The following CALD1 variants were observed in gnomAD, a reference collection of about 807,000 sequenced individuals.
CALD1 encodes the protein caldesmon.
A neutral mutation model predicts 99.9 loss-of-function variants in CALD1; 33 were observed. The ratio of observed to expected loss-of-function variants is 0.33; its 90% CI spans 0.25 to 0.44. The LOEUF is 0.44. CALD1 is among the 20% of genes least tolerant of loss of function. The pLI, the probability that CALD1 is intolerant of heterozygous loss-of-function variation, is 1.00. For synonymous variants in CALD1, 310 were observed against 325.0 expected (o/e 0.95, Z 0.50); for missense variants, 861 against 962.1 (o/e 0.89, Z 1.39).
In CALD1 at chr7:134,858,935, C is replaced by T. The variant is rs552138157; in HGVS notation, c.-41-8758C>T. Among the ~76,000 whole-genome samples, 3 of 152,312 alleles carry T rather than the reference C, an allele frequency of 2.0e-5. No homozygotes were observed. In the East Asian group the frequency reaches 5.8e-4, roughly 29 times the overall value. ...TCTGCAGTGATGAAAACATTCTCTGCACCGTCTTATATGGGGGCCACTAAA... is the reference window on the plus strand; with the variant it reads ...TCTGCAGTGATGAAAACATTCTCTGTACCGTCTTATATGGGGGCCACTAAA... On this transcript the variant is annotated intron_variant, in intron 2 of 14. Coordinates refer to ENST00000361675, the MANE Select transcript of CALD1 (RefSeq NM_033138.4).
chr7:134,937,497 A>T (rs1806074851), intron 6 of CALD1, among the ~76,000 whole-genome samples: 1 of 152,198 alleles, frequency 6.6e-6, no homozygotes, highest in Admixed American at 6.5e-5. Context: ...AATACTGTGT[A>T]CATAACCTGC....
At chr7:134,784,777 G>A (rs1312460427) in intron 1 of CALD1, among the ~76,000 whole-genome samples, 1 of 152,150 alleles carries the variant, frequency 6.6e-6, no homozygotes, top group Non-Finnish European at 1.5e-5. Flanking sequence ...TAGAGTCAAG[G>A]TGGGTGAGAG....
Position 134,947,496 on chromosome 7 carries a change from C to A in CALD1, c.1533-12C>A. ...AGCATGTAAACCCCTTTCCATTGCC[C>A]CCCAACCACAGCCGCCCTGGAGGGA... On this transcript the variant is annotated splice_polypyrimidine_tract_variant and intron_variant, in intron 7 of 14. Transcript: ENST00000361675. 2 of 1,565,470 alleles carry A rather than the reference C, an allele frequency of 1.3e-6. No homozygotes were observed. The highest frequency in any genetic ancestry group is 1.7e-6 in the Non-Finnish European group (2 of 1,154,794).
chr7:134,915,737 AT>A (rs1804157333), intron 3 of CALD1, among the ~76,000 whole-genome samples: 2 of 152,220 alleles, frequency 1.3e-5, no homozygotes, highest in African/African-American at 4.8e-5. Flanking sequence ...CTGTTAAAAC[AT>A]TCACATTTTT....
intron 1 of CALD1, among the ~76,000 whole-genome samples, chr7:134,755,266 G>T (rs2131576909): frequency 6.6e-6 from 1 of 152,272 alleles, no homozygotes; most frequent in Non-Finnish European, 1.5e-5. Flanking sequence ...CTCCCAAAGT[G>T]CTGGGATTAC....
At chr7:134,902,720 G>A (rs1348807761) in intron 3 of CALD1, among the ~76,000 whole-genome samples, 16 of 152,168 alleles carry the variant, frequency 1.1e-4, no homozygotes. Context: ...GTGGACTGCC[G>A]CTTCAGTGTA....
chr7:134,755,908 A>G (rs1422741804), intron 1 of CALD1, among the ~76,000 whole-genome samples: 1 of 152,304 alleles, frequency 6.6e-6, no homozygotes, highest in East Asian at 1.9e-4. Flanking sequence ...TATTTAATCT[A>G]TCTGGAAATG....
chr7:134,766,854 G>A (rs565091723), intron 1 of CALD1, among the ~76,000 whole-genome samples: 1 of 152,254 alleles, frequency 6.6e-6, no homozygotes, highest in South Asian at 2.1e-4. Context: ...GAGGAAGGGA[G>A]GCTGAAGACA....
intron 6 of CALD1, among the ~76,000 whole-genome samples, chr7:134,939,467 A>C (rs1806253923): frequency 6.6e-6 from 1 of 152,218 alleles, no homozygotes; most frequent in South Asian, 2.1e-4. Flanking sequence ...TCTTGCAGAG[A>C]ATGGCAAAGT....
intron 3 of CALD1, among the ~76,000 whole-genome samples, chr7:134,920,253 T>C (rs149700866): frequency 7.9e-4 from 116 of 146,130 alleles, no homozygotes; most frequent in African/African-American, 2.7e-3. Flanking sequence ...TGCTTGTATT[T>C]CATGCTATGA....
intron 13 of CALD1, chr7:134,960,996 G>C (rs145026165): frequency 6.2e-6 from 1 of 161,284 alleles, no homozygotes; most frequent in African/African-American, 2.4e-5. Flanking sequence ...TCTTTGTCAA[G>C]AGCACCCCTA....
intron 1 of CALD1, among the ~76,000 whole-genome samples, chr7:134,832,987 A>G (rs1358125338): frequency 2.0e-5 from 3 of 152,218 alleles, no homozygotes; most frequent in African/African-American, 4.8e-5. Context: ...TCTGGACAGT[A>G]TGTTTTAGAA....
At chr7:134,781,674 A>G (rs914532520) in intron 1 of CALD1, among the ~76,000 whole-genome samples, 3 of 152,240 alleles carry the variant, frequency 2.0e-5, no homozygotes, top group Non-Finnish European at 2.9e-5. Flanking sequence ...CTAAGAGTTG[A>G]TCCTAGGACA....
At chr7:134,906,526 T>C (rs889153927) in intron 3 of CALD1, among the ~76,000 whole-genome samples, 8 of 152,264 alleles carry the variant, frequency 5.3e-5, no homozygotes, top group African/African-American at 1.2e-4. Context: ...AAATTATCAC[T>C]GTTAAGTAAG....
chr7:134,957,959 A>G (rs753261363), intron 9 of CALD1, 110 bp from the exon 10 acceptor site: 1 of 780,468 alleles, frequency 1.3e-6, no homozygotes, highest in Non-Finnish European at 2.2e-6. Context: ...ATACCCTTAT[A>G]TGCTCTTCGG....
intron 1 of CALD1, among the ~76,000 whole-genome samples, chr7:134,806,309 C>A (rs1366397515): frequency 6.6e-6 from 1 of 152,172 alleles, no homozygotes; most frequent in Admixed American, 6.5e-5. Context: ...TTTTCTCCCC[C>A]CAGCCCACGG....
At chr7:134,731,269 A>G in the CALD1 span, among the ~76,000 whole-genome samples, 1 of 152,170 alleles carries the variant, frequency 6.6e-6, no homozygotes, top group Non-Finnish European at 1.5e-5. Flanking sequence ...ACCAATGAAA[A>G]CAAACAAACA....
upstream of CALD1, among the ~76,000 whole-genome samples, chr7:134,742,265 A>C (rs541098135): frequency 6.6e-6 from 1 of 152,052 alleles, no homozygotes; most frequent in South Asian, 2.1e-4. Context: ...ATGTGAAAAA[A>C]CTCAAAGTGA....
intron 3 of CALD1, among the ~76,000 whole-genome samples, chr7:134,904,375 G>A (rs1803217777): frequency 6.6e-6 from 1 of 151,958 alleles, no homozygotes; most frequent in African/African-American, 2.4e-5. Flanking sequence ...GATCCCAGGA[G>A]TTTGAGACTA....
Sources: allele counts gnomAD v4.1 joint callset (sites outside exome capture counted in the v4.1 genomes callset), GRCh38; gene constraint gnomAD v4.1.1; transcripts MANE v1.5; gene names NCBI Gene and HGNC (gene_info 2026-07-23, HGNC 2026-07-21).